CHD7: variants seen among roughly 807,000 people sequenced by gnomAD.
CHD7 encodes the protein chromodomain helicase DNA binding protein 7, also known as ATP-dependent chromatin remodeler CHD7.
Under a neutral mutation model 307.3 loss-of-function variants are expected in CHD7, and 24 were observed. The ratio of observed to expected loss-of-function variants is 0.08; its 90% CI spans 0.06 to 0.11. The LOEUF (loss-of-function observed/expected upper bound fraction) is 0.11, where lower values mean the gene tolerates loss of function less well. Among genes scored for constraint, CHD7 ranks in the 10% least tolerant of loss-of-function variants. The probability of loss-of-function intolerance (pLI) is 1.00; values close to 1 mark genes in which losing one functional copy is unlikely to be tolerated. For synonymous variants in CHD7, 1,363 were observed against 1,349.9 expected (o/e 1.01, Z -0.21); for missense variants, 3,106 against 3,727.1 (o/e 0.83, Z 4.34).
At chr8:60,733,714 A>G (rs1808569462) in intron 1 of CHD7, among the ~76,000 whole-genome samples, 1 of 152,136 alleles carries the variant, frequency 6.6e-6, no homozygotes, top group Admixed American at 6.5e-5. Flanking sequence ...GCCAAGTGCT[A>G]TTTCATTAGT....
chr8:60,741,064 A>G (rs1808973909), intron 1 of CHD7, among the ~76,000 whole-genome samples, 195 bp from the exon 2 acceptor site: 1 of 152,236 alleles, frequency 6.6e-6, no homozygotes. Flanking sequence ...ACCGATCATA[A>G]TGATGCTTCT....
At chr8:60,813,993 A>G (rs111520276) in intron 7 of CHD7, among the ~76,000 whole-genome samples, 5 of 152,278 alleles carry the variant, frequency 3.3e-5, no homozygotes, top group African/African-American at 9.6e-5. Context: ...GTGACCATAC[A>G]CTGTATTATC....
At chr8:60,686,420 G>A (rs369998651) in intron 1 of CHD7, among the ~76,000 whole-genome samples, 12 of 152,214 alleles carry the variant, frequency 7.9e-5, no homozygotes, top group African/African-American at 2.9e-4. Context: ...TTCTTAGGGT[G>A]TAAGAGATCA....
chr8:60,851,220 A>AC, intron 27 of CHD7, 42 bp from the exon 28 acceptor site: 1 of 1,529,872 alleles, frequency 6.5e-7, no homozygotes, highest in Non-Finnish European at 8.9e-7. Context: ...GAAAAATGAG[A>AC]CCCCAAATTA....
At chr8:60,848,490 T>C (rs750316551) in intron 23 of CHD7, 25 bp from the exon 24 acceptor site, 28 of 1,580,464 alleles carry the variant, frequency 1.8e-5, no homozygotes, top group Non-Finnish European at 2.3e-5. Context: ...TAAGAACTTT[T>C]TCCCCCCTCT....
chr8:60,766,149 C>T (rs983323185), intron 2 of CHD7, among the ~76,000 whole-genome samples: 1 of 152,226 alleles, frequency 6.6e-6, no homozygotes, highest in Non-Finnish European at 1.5e-5. Context: ...TGTCATTGCC[C>T]TCCTAAAGGA....
At chr8:60,740,495 A>G (rs115845094) in intron 1 of CHD7, among the ~76,000 whole-genome samples, 439 of 152,314 alleles carry the variant, frequency 2.9e-3, no homozygotes, top group African/African-American at 9.8e-3. Context: ...GACTGGGACC[A>G]TGGTAGGCTC....
At position 60,741,793 on chromosome 8, in the gene CHD7, G is replaced by A. The variant is rs587783439; in HGVS notation, c.361G>A (p.Gly121Ser). 165 of 1,613,778 alleles carry A rather than the reference G, an allele frequency of 1.0e-4. No individual in the cohort carries two copies. Among genetic ancestry groups the A allele is most frequent in the Non-Finnish European group, 1.3e-4 (158 of 1,179,878 alleles). ...GGTGCCCCATGGTGGCAGTGGTGGC[G>A]GTCAGATGGGTGTCTACCCTGGCAT... ...PQVPHGGSGG[G>S]QMGVYPGMQN... is the part of the protein sequence containing the mutation. The change falls in exon 2 of 38, where the codon GGT becomes AGT. Residue 121 changes from glycine (G) to serine (S), a missense_variant. Gly to Ser is a moderately conservative substitution (Grantham distance 56). Coordinates refer to ENST00000423902, the MANE Select transcript of CHD7 (RefSeq NM_017780.4).
chr8:60,795,262 T>G (rs1811967175), intron 4 of CHD7, 135 bp downstream of exon 4: 4 of 827,772 alleles, frequency 4.8e-6, no homozygotes, highest in Non-Finnish European at 7.3e-6. Context: ...TCTGGAACAT[T>G]ATCTCCATAG....
intron 13 of CHD7, among the ~76,000 whole-genome samples, chr8:60,828,341 A>T (rs1358017510): frequency 6.6e-6 from 1 of 152,200 alleles, no homozygotes; most frequent in East Asian, 1.9e-4. Flanking sequence ...TAGGAAAAAA[A>T]CTTAACTGGT....
At chr8:60,766,114 T>C (rs1375717650) in intron 2 of CHD7, among the ~76,000 whole-genome samples, 1 of 152,256 alleles carries the variant, frequency 6.6e-6, no homozygotes, top group African/African-American at 2.4e-5. Context: ...GCTAACACTT[T>C]GTCACTTTTG....
At chr8:60,775,239 C>A (rs1285955940) in intron 2 of CHD7, among the ~76,000 whole-genome samples, 1 of 151,970 alleles carries the variant, frequency 6.6e-6, no homozygotes, top group Non-Finnish European at 1.5e-5. Flanking sequence ...GAGGTACATG[C>A]TAAGATAAAT....
chr8:60,864,985 A>G, intron 37 of CHD7, 31 bp from the exon 38 acceptor site: 1 of 1,552,066 alleles, frequency 6.4e-7, no homozygotes, highest in Non-Finnish European at 8.7e-7. Flanking sequence ...GACAGCCTTT[A>G]TAGCCACTGT....
intron 4 of CHD7, among the ~76,000 whole-genome samples, chr8:60,795,503 A>G (rs1247293403): frequency 6.6e-6 from 1 of 152,064 alleles, no homozygotes; most frequent in African/African-American, 2.4e-5. Flanking sequence ...ACTTTTTTGA[A>G]TTTTGCAGAA....
At chr8:60,774,328 G>T (rs1423227878) in intron 2 of CHD7, among the ~76,000 whole-genome samples, 1 of 152,206 alleles carries the variant, frequency 6.6e-6, no homozygotes, top group Non-Finnish European at 1.5e-5. Context: ...CAGCCTCATA[G>T]GGCATTACAG....
chr8:60,708,628 G>T (rs181770085), intron 1 of CHD7, among the ~76,000 whole-genome samples: 1 of 152,296 alleles, frequency 6.6e-6, no homozygotes, highest in East Asian at 1.9e-4. Context: ...GGCCTACCTG[G>T]ATTATTCGTG....
chr8:60,734,786 G>A (rs1411804567), intron 1 of CHD7, among the ~76,000 whole-genome samples: 1 of 152,182 alleles, frequency 6.6e-6, no homozygotes, highest in Non-Finnish European at 1.5e-5. Flanking sequence ...TTGATTATTA[G>A]TGCCTTCAAG....
At position 60,856,870 on chromosome 8, in the gene CHD7, A is replaced by G. The variant is rs61742801; in HGVS notation, c.7590A>G (p.Lys2530=). 1,193 of 1,554,658 alleles carry G rather than the reference A, an allele frequency of 7.7e-4. 9 individuals are homozygous for G. In the African/African-American group the frequency reaches 0.014, roughly 19 times the overall value. ...EGLDLLFMSH[K]RTSLSAEDAE... ...TTGATCTGCTTTTCATGAGCCACAA[A>G]CGGACGTCATTGAGTGCAGTAAGTT... Residue 2530 remains lysine, a synonymous_variant, in exon 34 of 38, where the codon AAA becomes AAG. Transcript: ENST00000423902.
At position 60,852,688 on chromosome 8, in the gene CHD7, C is replaced by T; in HGVS notation, c.6085C>T (p.Pro2029Ser). ...CATGTGTAGGCGAGTATGTCGAATG[C>T]CCGTCAAGCCAGATGATGGTAGGTA... ...VAMCRRVCRMPVKPDDEPPDL... is the reference protein window; with the variant it reads ...VAMCRRVCRMSVKPDDEPPDL... The change falls in exon 30 of 38, where the codon CCC becomes TCC. Residue 2029 changes from proline to serine, a missense_variant. By Grantham distance (74) the Pro-to-Ser change is moderately conservative (BLOSUM62 -1). Coordinates refer to ENST00000423902, the MANE Select transcript of CHD7 (RefSeq NM_017780.4). 6.2e-7 allele frequency: 1 copy of T among 1,613,820 alleles called. No homozygotes were observed. Among genetic ancestry groups the T allele is most frequent in the East Asian group, 2.2e-5 (1 of 44,868 alleles).
Sources: allele counts gnomAD v4.1 joint callset (sites outside exome capture counted in the v4.1 genomes callset), GRCh38; gene constraint gnomAD v4.1.1; transcripts MANE v1.5; gene names NCBI Gene and HGNC (gene_info 2026-07-23, HGNC 2026-07-21).